MCM8: variants seen among roughly 807,000 people sequenced by gnomAD.
MCM8 encodes minichromosome maintenance 8 homologous recombination repair factor, also known as DNA helicase MCM8.
MCM8 carries 85 observed loss-of-function variants against 98.9 expected under a neutral mutation model. The observed-to-expected ratio is 0.86, with a 90% confidence interval of 0.72 to 1.03. The LOEUF is 1.03. Among genes scored for constraint, MCM8 ranks in the 50% least tolerant of loss-of-function variants. The pLI is 0.00. For missense variants in MCM8, 951 were observed against 997.8 expected, an observed-to-expected ratio of 0.95 and a Z score of 0.63; for synonymous variants, 352 against 338.6, an observed-to-expected ratio of 1.04 and a Z score of -0.44.
chr20:5,988,561 G>T, intron 17 of MCM8, among the ~76,000 whole-genome samples: 1 of 151,648 alleles, frequency 6.6e-6, no homozygotes. Context: ...GCAGTTTTTT[G>T]TGTGACTACA....
intron 10 of MCM8, among the ~76,000 whole-genome samples, chr20:5,970,402 G>A (rs910830379): frequency 6.6e-6 from 1 of 152,190 alleles, no homozygotes; most frequent in Non-Finnish European, 1.5e-5. Flanking sequence ...GTGCCTTAAC[G>A]AACAGGTGAC....
At chr20:5,985,844 C>A in intron 15 of MCM8, 78 bp from the exon 16 acceptor site, 1 of 1,470,794 alleles carries the variant, frequency 6.8e-7, no homozygotes, top group Non-Finnish European at 9.4e-7. Context: ...CTGCACCTGG[C>A]CTAAACAAGT....
intron 5 of MCM8, among the ~76,000 whole-genome samples, chr20:5,955,625 A>G (rs1374441978): frequency 1.3e-5 from 2 of 152,198 alleles, no homozygotes; most frequent in African/African-American, 2.4e-5. Context: ...GAGCAACCTT[A>G]GATTTAGGTT....
chr20:5,966,703 T>C (rs2122715227), intron 8 of MCM8, among the ~76,000 whole-genome samples: 1 of 152,240 alleles, frequency 6.6e-6, no homozygotes, highest in African/African-American at 2.4e-5. Flanking sequence ...AGATAGGGGT[T>C]TGGGCTATCA....
At chr20:5,973,275 A>T in intron 12 of MCM8, 79 bp downstream of exon 12, 4 of 1,570,070 alleles carry the variant, frequency 2.5e-6, no homozygotes, top group Non-Finnish European at 3.5e-6. Context: ...TTCTCAAAGC[A>T]TGTAGTGTGT....
In MCM8 at chr20:5,973,048, C is replaced by G; in HGVS notation, c.1255-8C>G. On this transcript the variant is annotated splice_polypyrimidine_tract_variant and splice_region_variant and intron_variant, in intron 11 of 18. Coordinates refer to ENST00000610722, the MANE Select transcript of MCM8 (RefSeq NM_032485.6). ...ACTTCTGTTTTTTGTTCTTTTTTCG[C>G]ACTTGAGCTTGTTAAAGCAGGTTTG... 6.2e-7 allele frequency: 1 copy of G among 1,612,508 alleles called. No homozygotes were observed.
In MCM8 at chr20:5,994,896, A is replaced by C; in HGVS notation, c.*505A>C. On this transcript the variant is annotated 3_prime_UTR_variant, in exon 19 of 19. Transcript: ENST00000610722. ...TCACTGCACTCCAGCCTGGGCAATA[A>C]AGTAACTCTTGACTCAAAAAAATAA... is the stretch of plus-strand genomic sequence containing the variant. 1 of 182,212 alleles carries C rather than the reference A, an allele frequency of 5.5e-6. No individual in the cohort carries two copies. Among genetic ancestry groups the C allele is most frequent in the Non-Finnish European group, 1.2e-5 (1 of 85,070 alleles). The allele number at this position is 182,212 out of a possible 1,614,324, so 11.3% of individuals were successfully genotyped here.
At chr20:5,952,567 A>G (rs1309197920) in intron 3 of MCM8, 39 bp downstream of exon 3, 2 of 1,537,650 alleles carry the variant, frequency 1.3e-6, no homozygotes, top group Admixed American at 1.7e-5. Flanking sequence ...CATAAATCAT[A>G]TTTTCTTAAC....
Position 5,998,238 on chromosome 20 carries a change from T to G in MCM8, c.*3847T>G, listed in dbSNP as rs1320478784. On this transcript the variant is annotated 3_prime_UTR_variant, in exon 19 of 19. Transcript: ENST00000610722. ...GTATTCAGTGTCCATTCTGCTCTCCTAGTGTGCCTTCCTATAATGCAGGGG... is the reference window on the plus strand; with the variant it reads ...GTATTCAGTGTCCATTCTGCTCTCCGAGTGTGCCTTCCTATAATGCAGGGG... 1.3e-5 allele frequency: 2 copies of G among 152,220 alleles called. No individual in the cohort carries two copies. The highest frequency in any genetic ancestry group is 2.9e-5 in the Non-Finnish European group (2 of 68,038). 9.4% of individuals were successfully genotyped at this position (152,220 alleles called of 1,614,324 possible). A position where few individuals can be genotyped will look rare whatever the true frequency, so the allele number is the denominator to read the frequency against.
chr20:5,958,446 T>C (rs1482238885), intron 6 of MCM8, 82 bp from the exon 7 acceptor site: 2 of 992,180 alleles, frequency 2.0e-6, no homozygotes, highest in Non-Finnish European at 3.1e-6. Context: ...GATTTGAGAA[T>C]TCCATAGTTG....
chr20:5,969,180 A>G lies in MCM8; in HGVS notation c.1223+1155A>G, dbSNP rs76752758. On this transcript the variant is annotated intron_variant, in intron 10 of 18. Transcript: ENST00000610722. Reference sequence around the variant, plus strand: ...CTGCAACATACTGTTACTTTTGATAATTTTTTGACAACTGTGGGGTAATTT... The same window carrying G: ...CTGCAACATACTGTTACTTTTGATAGTTTTTTGACAACTGTGGGGTAATTT... 2.7e-3 allele frequency among the ~76,000 whole-genome samples: 406 copies of G among 152,296 alleles called. 1 individual carries two copies. The highest frequency in any genetic ancestry group is 9.3e-3 in the African/African-American group (386 of 41,562).
At position 5,968,109 on chromosome 20, in the gene MCM8, A is replaced by G. The variant is rs527363772; in HGVS notation, c.1223+84A>G. 5.2e-6 allele frequency: 6 copies of G among 1,151,860 alleles called. No individual in the cohort carries two copies. In the East Asian group the frequency reaches 1.2e-4, roughly 23 times the overall value. The allele number at this position is 1,151,860 out of a possible 1,614,324, so 71.4% of individuals were successfully genotyped here. On this transcript the variant is annotated intron_variant, in intron 10 of 18. Coordinates refer to ENST00000610722, the MANE Select transcript of MCM8 (RefSeq NM_032485.6). Reference sequence around the variant, plus strand: ...CTACAGGTAACAAAAAACTAGTCAAAATGGTCGGCAAACTACAGTCCATGT... The same window carrying G: ...CTACAGGTAACAAAAAACTAGTCAAGATGGTCGGCAAACTACAGTCCATGT...
rs11472210 is a variant in MCM8 at position 5,994,478 on chromosome 20, G to GACACACAC, written c.*125_*132dup. On this transcript the variant is annotated 3_prime_UTR_variant, in exon 19 of 19. Coordinates refer to ENST00000610722, the MANE Select transcript of MCM8 (RefSeq NM_032485.6). ...ATATGCGTGCACGCACAGACAGACA[G>GACACACAC]ACACACACACACACACACACACACA... 1,574 of 384,156 alleles carry GACACACAC rather than the reference G, an allele frequency of 4.1e-3. 6 individuals carry two copies. Among genetic ancestry groups the GACACACAC allele is most frequent in the Middle Eastern group, 1.0e-2 (14 of 1,402 alleles). The allele number at this position is 384,156 out of a possible 1,614,324, so 23.8% of individuals were successfully genotyped here. A position where few individuals can be genotyped will look rare whatever the true frequency, so the allele number is the denominator to read the frequency against.
intron 12 of MCM8, among the ~76,000 whole-genome samples, chr20:5,975,101 A>G (rs1259435936): frequency 1.3e-5 from 2 of 152,198 alleles, no homozygotes; most frequent in Non-Finnish European, 2.9e-5. Context: ...TCTACAAAAA[A>G]GAAAACAATT....
At position 5,996,744 on chromosome 20, in the gene MCM8, A is replaced by G. The variant is rs2089962899; in HGVS notation, c.*2353A>G. 6.6e-6 allele frequency: 1 copy of G among 152,224 alleles called. No individual in the cohort carries two copies. The highest frequency in any genetic ancestry group is 2.1e-4 in the South Asian group (1 of 4,836). 9.4% of individuals were successfully genotyped at this position (152,224 alleles called of 1,614,324 possible). A position where few individuals can be genotyped will look rare whatever the true frequency, so the allele number is the denominator to read the frequency against. ...CTACATTTTCAGAAGAAGAAGTTCC[A>G]TGTTTCCTTAGATTATGTATTTAGC... On this transcript the variant is annotated 3_prime_UTR_variant, in exon 19 of 19. Transcript: ENST00000610722.
chr20:5,985,441 C>CA (rs59820663), intron 15 of MCM8, among the ~76,000 whole-genome samples: 8,770 of 92,514 alleles, frequency 0.095, 344 homozygotes, highest in Non-Finnish European at 0.14. Flanking sequence ...GAGACTGTCT[C>CA]AAAAAAAAAA....
intron 17 of MCM8, among the ~76,000 whole-genome samples, chr20:5,992,569 CACTT>C (rs779364456): frequency 2.0e-5 from 3 of 152,134 alleles, no homozygotes; most frequent in Non-Finnish European, 4.4e-5. Flanking sequence ...CAGAGGAAAA[CACTT>C]ACCATCTTAC....
Position 5,967,878 on chromosome 20 carries a change from C to G in MCM8, c.1076C>G (p.Ala359Gly), listed in dbSNP as rs2089310785. 6.2e-7 allele frequency: 1 copy of G among 1,613,154 alleles called. No individual in the cohort carries two copies. Among genetic ancestry groups the G allele is most frequent in the Admixed American group, 1.7e-5 (1 of 59,836 alleles). ...TGTATGTTCCTTTTGTATATTGAAG[C>G]AAATTCTATTAGTAATAGCAAAGGA... ...DKCMFLLYIE[A>G]NSISNSKGQK... Residue 359 changes from alanine to glycine, a missense_variant, in exon 10 of 19, where the codon GCA (alanine) becomes GGA (glycine). By Grantham distance (60) the Ala-to-Gly change is moderately conservative. Coordinates refer to ENST00000610722, the MANE Select transcript of MCM8 (RefSeq NM_032485.6).
rs919732107 is a variant in MCM8, at chr20:5,950,703, A to G, written c.-326A>G. On this transcript the variant is annotated 5_prime_UTR_variant, in exon 1 of 19. Transcript: ENST00000610722. ...GCGCCAAAAAAGAATTTAGGGGAAG[A>G]CCTGATTTTCGCTTGAGGCATTTTT... 1 of 307,240 alleles carries G rather than the reference A, an allele frequency of 3.3e-6. No individual in the cohort carries two copies. The highest frequency in any genetic ancestry group is 2.2e-5 in the African/African-American group (1 of 46,152). 19.0% of individuals were successfully genotyped at this position (307,240 alleles called of 1,614,324 possible).
Sources: gnomAD v4.1 joint callset for allele counts (sites outside exome capture counted in the v4.1 genomes callset) on GRCh38, gnomAD v4.1.1 for gene constraint, MANE v1.5 for transcripts, NCBI Gene and HGNC (gene_info 2026-07-23, HGNC 2026-07-21) for gene names.